OPCML: variants seen among roughly 807,000 people sequenced by gnomAD.
The protein encoded by OPCML is opioid-binding protein/cell adhesion molecule.
Under a neutral mutation model 37.8 loss-of-function variants are expected in OPCML, and 13 were observed. The ratio of observed to expected loss-of-function variants is 0.34; its 90% CI spans 0.22 to 0.55. OPCML has a LOEUF of 0.55. Among genes scored for constraint, OPCML ranks in the 20% least tolerant of loss-of-function variants. The pLI is 0.91. For missense variants in OPCML, 341 were observed against 435.6 expected, an observed-to-expected ratio of 0.78 and a Z score of 1.93; for synonymous variants, 176 against 168.8, an observed-to-expected ratio of 1.04 and a Z score of -0.33.
chr11:132,640,019 G>C (rs567319448), intron 3 of OPCML, among the ~76,000 whole-genome samples: 11 of 152,298 alleles, frequency 7.2e-5, no homozygotes, highest in African/African-American at 2.2e-4. Flanking sequence ...CCTAACGTTA[G>C]AGAAGTCTAT....
chr11:132,765,023 C>T (rs1946388195), intron 2 of OPCML, among the ~76,000 whole-genome samples: 1 of 152,170 alleles, frequency 6.6e-6, no homozygotes, highest in Admixed American at 6.5e-5. Flanking sequence ...AGACACATTC[C>T]TCCCCTCAGA....
intron 1 of OPCML, among the ~76,000 whole-genome samples, chr11:133,087,316 G>T (rs1246079671): frequency 6.6e-6 from 1 of 152,036 alleles, no homozygotes; most frequent in East Asian, 1.9e-4. Flanking sequence ...AGGTGTAGGG[G>T]CTACCTGCCT....
intron 1 of OPCML, among the ~76,000 whole-genome samples, chr11:132,959,682 A>G (rs1163494916): frequency 1.6e-5 from 2 of 128,426 alleles, no homozygotes; most frequent in African/African-American, 5.9e-5. Context: ...CTTCGGGAAA[A>G]TATCAGGATC....
intron 2 of OPCML, among the ~76,000 whole-genome samples, chr11:132,913,901 C>A (rs1361460494): frequency 6.6e-6 from 1 of 152,252 alleles, no homozygotes; most frequent in Non-Finnish European, 1.5e-5. Flanking sequence ...CTCCTCCCCT[C>A]TCTGCCTCTG....
intron 1 of OPCML, among the ~76,000 whole-genome samples, chr11:133,371,986 C>A (rs549835435): frequency 1.3e-5 from 2 of 151,778 alleles, no homozygotes; most frequent in African/African-American, 4.8e-5. Flanking sequence ...CTCATGGAGA[C>A]AGAGAGTGGA....
At chr11:132,730,717 C>T (rs1287347730) in intron 2 of OPCML, among the ~76,000 whole-genome samples, 1 of 151,894 alleles carries the variant, frequency 6.6e-6, no homozygotes, top group Non-Finnish European at 1.5e-5. Flanking sequence ...GTCCTTCAGC[C>T]CAAACTAAGA....
At chr11:132,453,376 C>T (rs1358356941) in intron 4 of OPCML, among the ~76,000 whole-genome samples, 2 of 152,182 alleles carry the variant, frequency 1.3e-5, no homozygotes, top group East Asian at 1.9e-4. Context: ...CGTATTGAAT[C>T]GCTGACATCT....
chr11:133,290,505 T>G (rs1158152029), intron 1 of OPCML, among the ~76,000 whole-genome samples: 2 of 152,126 alleles, frequency 1.3e-5, no homozygotes, highest in Non-Finnish European at 2.9e-5. Context: ...TGGGATGTGA[T>G]AGTAAGTGTG....
intron 2 of OPCML, among the ~76,000 whole-genome samples, chr11:132,820,742 C>A (rs964588307): frequency 6.6e-6 from 1 of 152,098 alleles, no homozygotes; most frequent in Non-Finnish European, 1.5e-5. Context: ...GAAGGAAACA[C>A]CAGCAATAGA....
intron 1 of OPCML, among the ~76,000 whole-genome samples, chr11:133,341,387 A>G (rs1324303443): frequency 6.6e-6 from 1 of 152,116 alleles, no homozygotes; most frequent in East Asian, 1.9e-4. Flanking sequence ...GGACATTTCT[A>G]AGTTTCCTTG....
At chr11:133,283,750 C>T (rs891512321) in intron 1 of OPCML, among the ~76,000 whole-genome samples, 3 of 152,110 alleles carry the variant, frequency 2.0e-5, no homozygotes, top group Admixed American at 6.5e-5. Flanking sequence ...GGGGAATAGG[C>T]CCCGGTATAT....
chr11:133,335,099 A>T (rs1391344602), intron 1 of OPCML, among the ~76,000 whole-genome samples: 1 of 152,178 alleles, frequency 6.6e-6, no homozygotes, highest in Admixed American at 6.5e-5. Flanking sequence ...TTTGCTCTCT[A>T]CATGTCATTA....
chr11:132,702,084 T>C (rs1943848775), intron 2 of OPCML, among the ~76,000 whole-genome samples: 1 of 152,200 alleles, frequency 6.6e-6, no homozygotes, highest in Non-Finnish European at 1.5e-5. Flanking sequence ...ATACTAGAGT[T>C]AAAAGTTATT....
At chr11:133,427,741 C>T (rs531996864) in intron 1 of OPCML, among the ~76,000 whole-genome samples, 17 of 151,024 alleles carry the variant, frequency 1.1e-4, no homozygotes, top group South Asian at 2.1e-4. Context: ...GGTAGAACAC[C>T]GAAATACACC....
At chr11:132,916,681 G>A (rs1944616963) in intron 2 of OPCML, among the ~76,000 whole-genome samples, 1 of 152,160 alleles carries the variant, frequency 6.6e-6, no homozygotes, top group Non-Finnish European at 1.5e-5. Context: ...AAGAGAAGAG[G>A]AAATAGGCTA....
intron 1 of OPCML, among the ~76,000 whole-genome samples, chr11:133,306,055 G>T (rs775736176): frequency 5.3e-5 from 8 of 152,134 alleles, no homozygotes; most frequent in Non-Finnish European, 8.8e-5. Context: ...ACCATTAGAA[G>T]TACTTTTCTA....
intron 1 of OPCML, among the ~76,000 whole-genome samples, chr11:133,504,909 C>T (rs966542904): frequency 6.6e-6 from 1 of 152,206 alleles, no homozygotes; most frequent in African/African-American, 2.4e-5. Flanking sequence ...TTAGTCCAAA[C>T]CATTAAAATA....
chr11:132,515,014 C>T (rs2096276665), intron 4 of OPCML, among the ~76,000 whole-genome samples: 1 of 152,100 alleles, frequency 6.6e-6, no homozygotes, highest in Non-Finnish European at 1.5e-5. Context: ...GGAGGAGGTC[C>T]TGGAGAGGCC....
chr11:133,486,951 G>A (rs1459257241), intron 1 of OPCML, among the ~76,000 whole-genome samples: 2 of 149,952 alleles, frequency 1.3e-5, no homozygotes, highest in Non-Finnish European at 3.0e-5. Context: ...AAAACTCTCT[G>A]GCTCTATTTC....
Sources: gnomAD v4.1 joint callset for allele counts (sites outside exome capture counted in the v4.1 genomes callset) on GRCh38, gnomAD v4.1.1 for gene constraint, MANE v1.5 for transcripts, NCBI Gene and HGNC (gene_info 2026-07-23, HGNC 2026-07-21) for gene names.